Variants in PIEZO1 observed in about 807,000 individuals in gnomAD.
PIEZO1 encodes the protein piezo type mechanosensitive ion channel component 1 (Er blood group), also known as piezo-type mechanosensitive ion channel component 1.
PIEZO1 carries 296 observed loss-of-function variants against 297.2 expected under a neutral mutation model. The ratio of observed to expected loss-of-function variants is 1.00; its 90% CI spans 0.91 to 1.10. PIEZO1 has a LOEUF of 1.10. Among genes scored for constraint, PIEZO1 ranks in the 50% least tolerant of loss-of-function variants. PIEZO1 has a pLI of 0.00. For missense variants in PIEZO1, 5,018 were observed against 3,455.5 expected (o/e 1.45, Z -11.34); for synonymous variants, 2,427 against 1,507.5 (o/e 1.61, Z -14.13).
intron 4 of PIEZO1, 107 bp from the exon 5 acceptor site, chr16:88,741,723 C>CGGGTGGGAGCGTGATGGGTCTCCAGGTGT: frequency 1.6e-6 from 1 of 618,370 alleles, no homozygotes; most frequent in Non-Finnish European, 2.7e-6. Flanking sequence ...TCTCCAGGTG[C>CGGGTGGGAGCGTGATGGGTCTCCAGGTGT]GGGTGGGAGT....
At chr16:88,718,855 G>C (rs1912230712) in intron 44 of PIEZO1, 1 of 153,664 alleles carries the variant, frequency 6.5e-6, no homozygotes, top group African/African-American at 2.4e-5. Flanking sequence ...GCACAAGTGT[G>C]CACCATCACA....
At chr16:88,775,061 G>A (rs1306694488) in intron 1 of PIEZO1, among the ~76,000 whole-genome samples, 1 of 152,240 alleles carries the variant, frequency 6.6e-6, no homozygotes, top group African/African-American at 2.4e-5. Context: ...CCCAGACAGT[G>A]AAGACGACAG....
chr16:88,756,879 A>AT (rs1201159253), intron 1 of PIEZO1, among the ~76,000 whole-genome samples: 1 of 152,044 alleles, frequency 6.6e-6, no homozygotes, highest in African/African-American at 2.4e-5. Flanking sequence ...GATCGAGACC[A>AT]TCCTGGCCAA....
chr16:88,732,216 C>T lies in PIEZO1; in HGVS notation c.2991+119G>A. 4.8e-6 allele frequency: 4 copies of T among 839,174 alleles called. No individual in the cohort carries two copies. The South Asian group carries it at 5.0e-5, about 10-fold the overall frequency. 52.0% of individuals were successfully genotyped at this position (839,174 alleles called of 1,614,324 possible). ...GCCGTGCCTGGCCCTGAGTCCCCCA[C>T]CCTCTGTGGCCCAGGCAAACCCAGG... On this transcript the variant is annotated intron_variant, in intron 21 of 50. Transcript: ENST00000301015.
intron 2 of PIEZO1, among the ~76,000 whole-genome samples, chr16:88,747,529 A>G (rs1008979847): frequency 6.6e-6 from 1 of 152,194 alleles, no homozygotes; most frequent in African/African-American, 2.4e-5. Flanking sequence ...AAAAATAAAT[A>G]AAAAAGACCA....
chr16:88,746,827 C>T (rs575298321), intron 2 of PIEZO1, among the ~76,000 whole-genome samples: 3 of 152,196 alleles, frequency 2.0e-5, no homozygotes, highest in Admixed American at 6.5e-5. Context: ...TTTCCAATTG[C>T]GCCCTGGGCA....
At chr16:88,772,050 C>T (rs1907447626) in intron 1 of PIEZO1, among the ~76,000 whole-genome samples, 1 of 135,970 alleles carries the variant, frequency 7.4e-6, no homozygotes, top group African/African-American at 2.9e-5. Context: ...CGTCCACCCG[C>T]GGCCCCAGGC....
Position 88,765,373 on chromosome 16 carries a change from T to C in PIEZO1, c.65-15894A>G, listed in dbSNP as rs187483739. On this transcript the variant is annotated intron_variant, in intron 1 of 50. Transcript: ENST00000301015. ...GGACAGGGCAGGAGAGGGAGGGGAATCTCAGGGCAGGTGTCCAGGATGGTC... is the reference window on the plus strand; with the variant it reads ...GGACAGGGCAGGAGAGGGAGGGGAACCTCAGGGCAGGTGTCCAGGATGGTC... Among the ~76,000 whole-genome samples the C allele has an allele frequency of 2.2e-3, 342 of 152,252 alleles. 2 individuals are homozygous for C. Among genetic ancestry groups the C allele is most frequent in the Non-Finnish European group, 4.0e-3 (269 of 68,008 alleles).
intron 23 of PIEZO1, among the ~76,000 whole-genome samples, 153 bp downstream of exon 23, chr16:88,727,404 G>C (rs112329218): frequency 4.6e-4 from 68 of 148,968 alleles, no homozygotes; most frequent in Middle Eastern, 3.4e-3. Context: ...TGAGGTCTGC[G>C]TGCGTGCGTG....
In PIEZO1 at chr16:88,719,809, A is replaced by G; in HGVS notation, c.6316T>C (p.Phe2106Leu). 6.4e-6 allele frequency: 10 copies of G among 1,550,516 alleles called. No homozygotes were observed. The highest frequency in any genetic ancestry group is 7.8e-6 in the Non-Finnish European group (9 of 1,146,934). Residue 2106 changes from phenylalanine to leucine, a missense_variant, in exon 43 of 51, where the codon TTC becomes CTC. By Grantham distance (22) the Phe-to-Leu change is conservative. Transcript: ENST00000301015. The stretch of plus-strand genomic sequence containing the variant: ...CGGCGGACCTGCACTCACCCCTGGA[A>G]GAGGAAGAGGTTGAGATGATTGTAC... ...KKYNHLNLFL[F>L]QGFRLVPFLV...
chr16:88,761,136 C>T lies in PIEZO1; in HGVS notation c.65-11657G>A, dbSNP rs141657682. Among the ~76,000 whole-genome samples the T allele has an allele frequency of 3.4e-3, 511 of 152,344 alleles. 5 individuals are homozygous for T. The highest frequency in any genetic ancestry group is 0.012 in the African/African-American group (483 of 41,576). On this transcript the variant is annotated intron_variant, in intron 1 of 50. Coordinates refer to ENST00000301015, the MANE Select transcript of PIEZO1 (RefSeq NM_001142864.4). ...TGTGCAGGAACAGAGGGTCAGCAGGCACCTGCTGCACACAGCCACGTGGGT... is the reference window on the plus strand; with the variant it reads ...TGTGCAGGAACAGAGGGTCAGCAGGTACCTGCTGCACACAGCCACGTGGGT...
rs866838504 is a variant in PIEZO1, at chr16:88,749,408, C to T, written c.136G>A (p.Gly46Ser). Reference sequence around the variant, plus strand: ...CCTTGGAGGCCGCATCGGGTGGGGCCGGGGAACCAGGGCAGCAGCAGCAGG... The same window carrying T: ...CCTTGGAGGCCGCATCGGGTGGGGCTGGGGAACCAGGGCAGCAGCAGCAGG... Reference protein sequence around the residue: ...LFLLLLPWFPGPTRCGLQGHT... With the variant: ...LFLLLLPWFPSPTRCGLQGHT... The change falls in exon 2 of 51, where the codon GGC (glycine) becomes AGC (serine). Residue 46 changes from glycine to serine, a missense_variant. Coordinates refer to ENST00000301015, the MANE Select transcript of PIEZO1 (RefSeq NM_001142864.4). 34 of 1,519,590 alleles carry T rather than the reference C, an allele frequency of 2.2e-5. No homozygotes were observed. The East Asian group carries it at 2.6e-4, about 11-fold the overall frequency. 94.1% of individuals were successfully genotyped at this position (1,519,590 alleles called of 1,614,324 possible).
chr16:88,780,046 G>A (rs1907859401), intron 1 of PIEZO1, among the ~76,000 whole-genome samples: 1 of 152,170 alleles, frequency 6.6e-6, no homozygotes, highest in African/African-American at 2.4e-5. Flanking sequence ...AGAAGGGGGT[G>A]AGGGCCCCAC....
Position 88,734,993 on chromosome 16 carries a change from G to T in PIEZO1, c.1730C>A (p.Ala577Asp). ...SLGELVKGVY[A>D]KYWIYVCAGM... is the part of the protein sequence containing the mutation. Reference sequence around the variant, plus strand: ...AGCACACACATAGATCCAGTACTTGGCGTACACGCCCTTCACCAGCTCCCC... The same window carrying T: ...AGCACACACATAGATCCAGTACTTGTCGTACACGCCCTTCACCAGCTCCCC... Residue 577 changes from alanine to aspartate, a missense_variant, in exon 14 of 51, where the codon GCC becomes GAC. By Grantham distance (126) the Ala-to-Asp change is moderately radical. Coordinates refer to ENST00000301015, the MANE Select transcript of PIEZO1 (RefSeq NM_001142864.4). The T allele has an allele frequency of 1.9e-6, 3 of 1,550,538 alleles. No homozygotes were observed. Among genetic ancestry groups the T allele is most frequent in the Non-Finnish European group, 2.6e-6 (3 of 1,146,990 alleles).
Position 88,722,596 on chromosome 16 carries a change from T to G in PIEZO1, c.4762A>C (p.Ser1588Arg). Residue 1588 changes from serine to arginine, a missense_variant, in exon 35 of 51, where the codon AGC (serine) becomes CGC (arginine). Physicochemically the swap from Ser to Arg is moderately radical, Grantham distance 110. Coordinates refer to ENST00000301015, the MANE Select transcript of PIEZO1 (RefSeq NM_001142864.4). ...CCCCGCACCTACCTGGACACGGTGC[T>G]TGGGGCATTGGGGGCCTCGGTGGGG... ...PGPTEAPNAP[S>R]TVSSGLGAEE... 6.5e-7 allele frequency: 1 copy of G among 1,535,896 alleles called. No homozygotes were observed. Among genetic ancestry groups the G allele is most frequent in the Non-Finnish European group, 8.7e-7 (1 of 1,143,994 alleles).
At chr16:88,724,749 T>G (rs905609178) in intron 30 of PIEZO1, among the ~76,000 whole-genome samples, 1 of 152,144 alleles carries the variant, frequency 6.6e-6, no homozygotes, top group Admixed American at 6.5e-5. Context: ...GTGAGATCGC[T>G]GCTCGACCAC....
At chr16:88,722,171 C>T (rs768379738) in intron 36 of PIEZO1, 47 bp downstream of exon 36, 3 of 1,529,128 alleles carry the variant, frequency 2.0e-6, no homozygotes, top group South Asian at 1.2e-5. Flanking sequence ...TTCGGCTGCT[C>T]CCCGAGGGCC....
chr16:88,782,137 A>T (rs1315972669), intron 1 of PIEZO1, among the ~76,000 whole-genome samples: 1 of 151,954 alleles, frequency 6.6e-6, no homozygotes, highest in East Asian at 1.9e-4. Flanking sequence ...CTTTTTTGAG[A>T]CAGGGTCTGT....
At chr16:88,775,131 G>A (rs1316570757) in intron 1 of PIEZO1, among the ~76,000 whole-genome samples, 2 of 152,178 alleles carry the variant, frequency 1.3e-5, no homozygotes, top group African/African-American at 4.8e-5. Flanking sequence ...CAGGGACTCC[G>A]GAGCATGGCA....
Sources: gnomAD v4.1 joint callset for allele counts (sites outside exome capture counted in the v4.1 genomes callset) on GRCh38, gnomAD v4.1.1 for gene constraint, MANE v1.5 for transcripts, NCBI Gene and HGNC (gene_info 2026-07-23, HGNC 2026-07-21) for gene names.